The following LOC400499 variants were observed in gnomAD, a reference collection of about 807,000 sequenced individuals.
the LOC400499 span, among the ~76,000 whole-genome samples, chr16:11,426,307 ATG>A: frequency 6.6e-6 from 1 of 152,238 alleles, no homozygotes; most frequent in South Asian, 2.1e-4. Context: ...GTGGTGGCGC[ATG>A]CCTGTCATCC....
the LOC400499 span, among the ~76,000 whole-genome samples, chr16:11,379,295 C>G: frequency 7.2e-5 from 11 of 152,168 alleles, no homozygotes; most frequent in Non-Finnish European, 1.3e-4. Context: ...TATCGTAGAC[C>G]TATCTGTTTC....
the LOC400499 span, among the ~76,000 whole-genome samples, chr16:11,439,133 C>G: frequency 6.6e-6 from 1 of 152,162 alleles, no homozygotes; most frequent in Non-Finnish European, 1.5e-5. Flanking sequence ...TTCTCCACCT[C>G]CAAAATGCCC....
At chr16:11,413,672 C>T in the LOC400499 span, among the ~76,000 whole-genome samples, 1,241 of 152,286 alleles carry the variant, frequency 8.1e-3, 11 homozygotes, top group African/African-American at 0.026. Context: ...TCACGTGTGA[C>T]CCAGAGATGA....
chr16:11,484,767 G>C, the LOC400499 span: 10 of 397,686 alleles, frequency 2.5e-5, no homozygotes, highest in Non-Finnish European at 4.4e-5. Context: ...ATTCTGCAAG[G>C]AGGAGGCAGA....
the LOC400499 span, among the ~76,000 whole-genome samples, chr16:11,473,822 G>A: frequency 5.3e-3 from 801 of 151,814 alleles, 6 homozygotes; most frequent in South Asian, 0.043. Context: ...AACATTCTTC[G>A]TAAAGGGCCA....
the LOC400499 span, chr16:11,407,319 C>T: frequency 5.1e-3 from 2,019 of 397,882 alleles, 6 homozygotes; most frequent in Middle Eastern, 0.02. Context: ...CTCTGAACCT[C>T]ACCCTTGGAG....
the LOC400499 span, among the ~76,000 whole-genome samples, chr16:11,462,909 C>T: frequency 3.9e-5 from 6 of 152,204 alleles, no homozygotes; most frequent in African/African-American, 1.4e-4. Context: ...CGCTGCCTCA[C>T]CAGCTGGAGC....
At chr16:11,403,629 C>G in the LOC400499 span, among the ~76,000 whole-genome samples, 2 of 152,210 alleles carry the variant, frequency 1.3e-5, no homozygotes, top group Non-Finnish European at 2.9e-5. Flanking sequence ...TGCCTCCAGG[C>G]TGGGGTCTGC....
At chr16:11,488,408 G>T in the LOC400499 span, among the ~76,000 whole-genome samples, 137 of 152,166 alleles carry the variant, frequency 9.0e-4, 1 homozygote, top group Admixed American at 6.5e-3. Flanking sequence ...TAAGTTTTTT[G>T]TTGTTGTTGT....
At chr16:11,449,013 G>A in the LOC400499 span, 2 of 1,524,474 alleles carry the variant, frequency 1.3e-6, no homozygotes, top group Non-Finnish European at 1.8e-6. Flanking sequence ...GCTGTTCTCA[G>A]CATGGATCTC....
chr16:11,456,528 G>A, the LOC400499 span, among the ~76,000 whole-genome samples: 1 of 152,182 alleles, frequency 6.6e-6, no homozygotes, highest in Non-Finnish European at 1.5e-5. Context: ...ACACTTGACT[G>A]GCAAAGGTAA....
At chr16:11,450,880 C>A in the LOC400499 span, 2 of 1,451,726 alleles carry the variant, frequency 1.4e-6, no homozygotes, top group African/African-American at 1.4e-5. Context: ...TTCTAGCAGG[C>A]AGCTGGAGGT....
the LOC400499 span, among the ~76,000 whole-genome samples, chr16:11,476,270 C>CCTG: frequency 1.3e-5 from 2 of 152,040 alleles, no homozygotes; most frequent in South Asian, 4.2e-4. Flanking sequence ...GGTGGGGCAG[C>CCTG]CTGGATTCAC....
the LOC400499 span, among the ~76,000 whole-genome samples, chr16:11,506,737 C>G: frequency 1.3e-5 from 2 of 152,242 alleles, no homozygotes; most frequent in Admixed American, 1.3e-4. Context: ...CTATTGAGCG[C>G]TGAGTCCTGG....
chr16:11,510,928 G>C, the LOC400499 span, among the ~76,000 whole-genome samples: 10 of 151,416 alleles, frequency 6.6e-5, no homozygotes, highest in East Asian at 1.7e-3. Context: ...CCTAAAGAAC[G>C]GGGCCAGGAT....
chr16:11,498,168 A>G, the LOC400499 span, among the ~76,000 whole-genome samples: 1 of 152,190 alleles, frequency 6.6e-6, no homozygotes, highest in South Asian at 2.1e-4. Context: ...AACATGAAGA[A>G]CTTTTGTTCA....
At chr16:11,493,837 T>A in the LOC400499 span, 8 of 180,444 alleles carry the variant, frequency 4.4e-5, no homozygotes, top group South Asian at 2.9e-4. Context: ...GGCAGTGGCG[T>A]GGGGGGCGGG....
chr16:11,436,330 A>G, the LOC400499 span, among the ~76,000 whole-genome samples: 7 of 152,168 alleles, frequency 4.6e-5, no homozygotes, highest in Admixed American at 1.3e-4. Flanking sequence ...CTGAGGTTCA[A>G]AGAGGATGGC....
the LOC400499 span, chr16:11,425,167 C>T: frequency 2.5e-6 from 1 of 398,954 alleles, no homozygotes; most frequent in African/African-American, 2.1e-5. Context: ...GGGCCACCCG[C>T]AAGCTGTCCG....
Sources: allele counts gnomAD v4.1 joint callset (sites outside exome capture counted in the v4.1 genomes callset), GRCh38; gene constraint gnomAD v4.1.1; transcripts MANE v1.5.